Variants in LOC128706665 observed in about 807,000 individuals in gnomAD.
chr20:10,429,298 T>C, the LOC128706665 span, among the ~76,000 whole-genome samples: 1 of 152,146 alleles, frequency 6.6e-6, no homozygotes, highest in African/African-American at 2.4e-5. Flanking sequence ...TCTATACTGT[T>C]CCTTCTTAGT....
chr20:10,416,211 ACTT>A, the LOC128706665 span, among the ~76,000 whole-genome samples: 1 of 152,196 alleles, frequency 6.6e-6, no homozygotes, highest in Non-Finnish European at 1.5e-5. Context: ...AACTTGCATG[ACTT>A]CTTCTAAATT....
chr20:10,433,281 G>C, the LOC128706665 span, among the ~76,000 whole-genome samples: 1 of 152,208 alleles, frequency 6.6e-6, no homozygotes, highest in Non-Finnish European at 1.5e-5. Context: ...CGGGGTTACA[G>C]GGGTGAGCCA....
the LOC128706665 span, among the ~76,000 whole-genome samples, chr20:10,430,074 C>T: frequency 2.2e-3 from 334 of 152,316 alleles, 1 homozygote; most frequent in Middle Eastern, 6.8e-3. Flanking sequence ...TGGTTGTATT[C>T]CTGCTTTGCT....
At chr20:10,415,457 A>G in the LOC128706665 span, among the ~76,000 whole-genome samples, 103 of 152,182 alleles carry the variant, frequency 6.8e-4, no homozygotes, top group Non-Finnish European at 1.2e-3. Context: ...TAACCATGGC[A>G]ACTGGGCCCA....
the LOC128706665 span, among the ~76,000 whole-genome samples, chr20:10,432,985 C>T: frequency 6.6e-6 from 1 of 152,072 alleles, no homozygotes; most frequent in African/African-American, 2.4e-5. Context: ...CAGATGTAAC[C>T]ATCTTTTTTC....
the LOC128706665 span, among the ~76,000 whole-genome samples, chr20:10,429,325 C>T: frequency 6.6e-6 from 1 of 152,168 alleles, no homozygotes; most frequent in African/African-American, 2.4e-5. Context: ...TAATAGCCTG[C>T]TGGTTTCCAT....
the LOC128706665 span, among the ~76,000 whole-genome samples, chr20:10,428,576 C>T: frequency 2.0e-5 from 3 of 152,154 alleles, no homozygotes; most frequent in South Asian, 2.1e-4. Flanking sequence ...CGGTGGCTCA[C>T]GCCTCTAATT....
At chr20:10,427,755 C>G in the LOC128706665 span, among the ~76,000 whole-genome samples, 1 of 152,160 alleles carries the variant, frequency 6.6e-6, no homozygotes, top group Non-Finnish European at 1.5e-5. Flanking sequence ...ACTCATTTTG[C>G]TGGACTTCTC....
At chr20:10,414,076 T>C in the LOC128706665 span, 8 of 368,470 alleles carry the variant, frequency 2.2e-5, no homozygotes, top group Non-Finnish European at 3.3e-5. Flanking sequence ...ATGAGAAAGG[T>C]AGACCAACTT....
the LOC128706665 span, among the ~76,000 whole-genome samples, chr20:10,422,861 G>A: frequency 2.9e-3 from 442 of 151,768 alleles, 3 homozygotes; most frequent in African/African-American, 0.01. Context: ...ACAGGTGCCC[G>A]CCACCACACC....
At chr20:10,430,038 C>CAA in the LOC128706665 span, among the ~76,000 whole-genome samples, 7 of 152,004 alleles carry the variant, frequency 4.6e-5, no homozygotes, top group East Asian at 1.9e-4. Context: ...AAACAAAAAA[C>CAA]AAAAAAACAA....
chr20:10,425,077 A>T, the LOC128706665 span, among the ~76,000 whole-genome samples: 1 of 151,404 alleles, frequency 6.6e-6, no homozygotes, highest in African/African-American at 2.4e-5. Flanking sequence ...GAAAGAAAGA[A>T]AATTAGCATT....
At chr20:10,428,475 G>A in the LOC128706665 span, among the ~76,000 whole-genome samples, 2 of 152,182 alleles carry the variant, frequency 1.3e-5, no homozygotes, top group East Asian at 1.9e-4. Flanking sequence ...TTGGCCAGAG[G>A]ACATTATAGC....
chr20:10,423,248 G>A, the LOC128706665 span, among the ~76,000 whole-genome samples: 1 of 152,016 alleles, frequency 6.6e-6, no homozygotes, highest in African/African-American at 2.4e-5. Flanking sequence ...GGCAAAACCC[G>A]TTTCTACAAA....
the LOC128706665 span, among the ~76,000 whole-genome samples, chr20:10,415,307 A>ACTTC: frequency 6.6e-6 from 1 of 152,230 alleles, no homozygotes; most frequent in African/African-American, 2.4e-5. Flanking sequence ...AGCCTAAAGT[A>ACTTC]CTTCCTAAAA....
the LOC128706665 span, among the ~76,000 whole-genome samples, chr20:10,426,895 C>T: frequency 2.0e-5 from 3 of 152,126 alleles, no homozygotes; most frequent in Admixed American, 1.3e-4. Context: ...GTTCAGTTTT[C>T]TTTAATTTAG....
the LOC128706665 span, among the ~76,000 whole-genome samples, chr20:10,429,664 T>C: frequency 6.6e-6 from 1 of 152,220 alleles, no homozygotes; most frequent in African/African-American, 2.4e-5. Context: ...CTTTTCCTCA[T>C]GCTCCTCATC....
chr20:10,418,101 C>T, the LOC128706665 span, among the ~76,000 whole-genome samples: 1 of 152,092 alleles, frequency 6.6e-6, no homozygotes, highest in Non-Finnish European at 1.5e-5. Context: ...TTAAGTTTTT[C>T]TAGGTGATAA....
At chr20:10,421,935 C>T in the LOC128706665 span, among the ~76,000 whole-genome samples, 24 of 152,180 alleles carry the variant, frequency 1.6e-4, no homozygotes, top group African/African-American at 5.5e-4. Context: ...ATGAGACATG[C>T]TATGAACTTG....
Sources: allele counts gnomAD v4.1 joint callset (sites outside exome capture counted in the v4.1 genomes callset), GRCh38; gene constraint gnomAD v4.1.1; transcripts MANE v1.5.